The following CCSER1 variants were observed in gnomAD, a reference collection of about 807,000 sequenced individuals.
CCSER1 encodes the protein coiled-coil serine rich protein 1.
In CCSER1, 41 loss-of-function variants were observed where a neutral mutation model predicts 82.0. The observed-to-expected ratio is 0.50, with a 90% CI of 0.39 to 0.65. The LOEUF (loss-of-function observed/expected upper bound fraction) is 0.65. CCSER1 is among the 30% of genes least tolerant of loss of function. CCSER1 has a pLI of 0.00. For synonymous variants in CCSER1, 414 were observed against 383.9 expected, an observed-to-expected ratio of 1.08 and a Z score of -0.92; for missense variants, 1,119 against 1,064.2, an observed-to-expected ratio of 1.05 and a Z score of -0.72.
chr4:91,380,311 T>C (rs558471839), intron 10 of CCSER1, among the ~76,000 whole-genome samples: 2 of 152,308 alleles, frequency 1.3e-5, no homozygotes, highest in Admixed American at 1.3e-4. Flanking sequence ...TTTTTAACTT[T>C]CTGTCTCATT....
intron 10 of CCSER1, among the ~76,000 whole-genome samples, chr4:91,274,452 C>A (rs1742268580): frequency 1.3e-5 from 2 of 152,224 alleles, no homozygotes; most frequent in South Asian, 4.2e-4. Context: ...TGTTTATACC[C>A]ATTAACCACC....
intron 1 of CCSER1, among the ~76,000 whole-genome samples, chr4:90,230,816 A>G (rs1414450969): frequency 6.6e-6 from 1 of 152,174 alleles, no homozygotes; most frequent in East Asian, 1.9e-4. Flanking sequence ...CAGAAATACA[A>G]ACTACCATCA....
rs145453240 is a variant in CCSER1 at position 91,550,730 on chromosome 4, A to G, written c.2218-47842A>G. 1.5e-3 allele frequency among the ~76,000 whole-genome samples: 226 copies of G among 152,304 alleles called. 2 individuals are homozygous for G. Among genetic ancestry groups the G allele is most frequent in the African/African-American group, 5.2e-3 (215 of 41,570 alleles). The stretch of plus-strand genomic sequence containing the variant: ...TAGTGCCTGGAGCAGAATTGGTGTT[A>G]ATGAATGCACAGGGGATGAAAGAAT... On this transcript the variant is annotated intron_variant, in intron 10 of 10. Transcript: ENST00000509176.
chr4:90,798,930 G>A lies in CCSER1; in HGVS notation c.2011-16832G>A, dbSNP rs564048865. On this transcript the variant is annotated intron_variant, in intron 7 of 10. Coordinates refer to ENST00000509176, the MANE Select transcript of CCSER1 (RefSeq NM_001145065.2). ...AGGTCACAACACTCTGATGGGTGGT[G>A]CCAGCCAAAGCATTTTTTAGTGCAG... Among the ~76,000 whole-genome samples the A allele has an allele frequency of 1.4e-4, 21 of 152,300 alleles. No individual in the cohort carries two copies. In the South Asian group the frequency reaches 1.7e-3, roughly 12 times the overall value.
At chr4:90,865,479 C>A (rs1317838915) in intron 8 of CCSER1, among the ~76,000 whole-genome samples, 1 of 151,888 alleles carries the variant, frequency 6.6e-6, no homozygotes, top group African/African-American at 2.4e-5. Context: ...GTCTACCTTC[C>A]AGCTGTCATA....
chr4:91,150,793 ACCAGCCTTGCATCTCAGAGATGAAG>A (rs1730099804), intron 10 of CCSER1, among the ~76,000 whole-genome samples: 1 of 152,108 alleles, frequency 6.6e-6, no homozygotes, highest in Non-Finnish European at 1.5e-5. Flanking sequence ...CATATGTTGA[ACCAGCCTTGCATCTCAGAGATGAAG>A]CCCACTTGAT....
chr4:90,554,593 G>A (rs1263414953), intron 5 of CCSER1, among the ~76,000 whole-genome samples: 1 of 152,090 alleles, frequency 6.6e-6, no homozygotes, highest in Non-Finnish European at 1.5e-5. Context: ...AGATTATATT[G>A]CTATTATATT....
chr4:90,333,033 A>T lies in CCSER1; in HGVS notation c.1509+19986A>T, dbSNP rs575555130. Among the ~76,000 whole-genome samples, 4 of 152,250 alleles carry T rather than the reference A, an allele frequency of 2.6e-5. No homozygotes were observed. In the East Asian group the frequency reaches 7.7e-4, roughly 29 times the overall value. ...TAACACTCATGACAGTTATTTGCAGACTAATTCATGATTGTCTGGTTTTTC... is the reference window on the plus strand; with the variant it reads ...TAACACTCATGACAGTTATTTGCAGTCTAATTCATGATTGTCTGGTTTTTC... On this transcript the variant is annotated intron_variant, in intron 3 of 10. Transcript: ENST00000509176.
intron 6 of CCSER1, among the ~76,000 whole-genome samples, chr4:90,662,296 C>T (rs529295583): frequency 1.3e-5 from 2 of 152,062 alleles, no homozygotes; most frequent in Admixed American, 1.3e-4. Flanking sequence ...CATGCCTGGC[C>T]GTCCTATACT....
At chr4:90,494,953 C>G (rs1278252060) in intron 5 of CCSER1, among the ~76,000 whole-genome samples, 4 of 152,022 alleles carry the variant, frequency 2.6e-5, no homozygotes, top group African/African-American at 9.7e-5. Flanking sequence ...GACCCTGGGT[C>G]TCCTTGCCTG....
chr4:90,164,664 ACTT>A (rs1578272788), intron 1 of CCSER1, among the ~76,000 whole-genome samples: 1 of 152,124 alleles, frequency 6.6e-6, no homozygotes, highest in East Asian at 1.9e-4. Context: ...AGTTGTCTAG[ACTT>A]CCTACAGAAA....
intron 10 of CCSER1, among the ~76,000 whole-genome samples, chr4:91,480,135 T>C (rs2110040519): frequency 6.6e-6 from 1 of 151,514 alleles, no homozygotes; most frequent in South Asian, 2.1e-4. Context: ...CTTAATCCAG[T>C]CTATCATTGT....
chr4:90,999,749 T>C lies in CCSER1; in HGVS notation c.2172+76302T>C, dbSNP rs540329817. 5.3e-5 allele frequency among the ~76,000 whole-genome samples: 8 copies of C among 152,248 alleles called. No homozygotes were observed. In the East Asian group the frequency reaches 1.5e-3, roughly 29 times the overall value. On this transcript the variant is annotated intron_variant, in intron 9 of 10. Coordinates refer to ENST00000509176, the MANE Select transcript of CCSER1 (RefSeq NM_001145065.2). ...CTGTAGTTTAATTAGGTCCCACTTG[T>C]CAATTTTTGCTTTCATTGCAATTGT...
intron 3 of CCSER1, among the ~76,000 whole-genome samples, chr4:90,333,728 T>A (rs1264853889): frequency 2.6e-5 from 4 of 152,202 alleles, no homozygotes; most frequent in Non-Finnish European, 4.4e-5. Flanking sequence ...ATCTACTCAA[T>A]TCATTAATAA....
intron 6 of CCSER1, among the ~76,000 whole-genome samples, chr4:90,710,616 CT>C (rs1560993729): frequency 6.6e-6 from 1 of 151,792 alleles, no homozygotes; most frequent in African/African-American, 2.4e-5. Flanking sequence ...TTTTTGTCAG[CT>C]TTGTTGAAGA....
chr4:90,765,403 G>C (rs942658710), intron 7 of CCSER1, among the ~76,000 whole-genome samples: 7 of 151,934 alleles, frequency 4.6e-5, no homozygotes, highest in Non-Finnish European at 8.8e-5. Flanking sequence ...TCCTAATATG[G>C]ATTTTCTTTA....
chr4:90,503,829 T>G (rs1770295742), intron 5 of CCSER1, among the ~76,000 whole-genome samples: 1 of 152,144 alleles, frequency 6.6e-6, no homozygotes, highest in South Asian at 2.1e-4. Context: ...ATATATAATT[T>G]TTAAAATAAG....
At chr4:91,306,188 A>C (rs897169886) in intron 10 of CCSER1, among the ~76,000 whole-genome samples, 4 of 151,980 alleles carry the variant, frequency 2.6e-5, no homozygotes, top group Non-Finnish European at 5.9e-5. Flanking sequence ...TGTTTCATAG[A>C]GAAGTCAAAT....
At chr4:90,997,338 A>T (rs1737585690) in intron 9 of CCSER1, among the ~76,000 whole-genome samples, 1 of 152,054 alleles carries the variant, frequency 6.6e-6, no homozygotes. Context: ...TTCTGTTGTC[A>T]CATCTCCTCT....
Sources: gnomAD v4.1 joint callset for allele counts (sites outside exome capture counted in the v4.1 genomes callset) on GRCh38, gnomAD v4.1.1 for gene constraint, MANE v1.5 for transcripts, NCBI Gene and HGNC (gene_info 2026-07-23, HGNC 2026-07-21) for gene names.